LIN28B: variants seen among roughly 807,000 people sequenced by gnomAD.
LIN28B encodes the protein lin-28 RNA binding posttranscriptional regulator B.
Under a neutral mutation model 21.9 loss-of-function variants are expected in LIN28B, and 5 were observed. The observed-to-expected ratio is 0.23, with a 90% CI of 0.12 to 0.48. The LOEUF (loss-of-function observed/expected upper bound fraction) is 0.48. Ranked by LOEUF, LIN28B falls within the 20% of genes least tolerant of loss-of-function variation. LIN28B has a pLI of 0.98. For missense variants in LIN28B, 245 were observed against 310.5 expected, an observed-to-expected ratio of 0.79 and a Z score of 1.58; for synonymous variants, 109 against 111.3, an observed-to-expected ratio of 0.98 and a Z score of 0.13.
chr6:104,969,167 A>C (rs1769923806), intron 2 of LIN28B, among the ~76,000 whole-genome samples: 1 of 152,184 alleles, frequency 6.6e-6, no homozygotes, highest in Middle Eastern at 3.2e-3. Flanking sequence ...TGCGTTAGAA[A>C]TTTAGTCACA....
At chr6:105,023,298 TTTATATATAA>T (rs1436763731) in intron 2 of LIN28B, among the ~76,000 whole-genome samples, 2 of 13,030 alleles carry the variant, frequency 1.5e-4, no homozygotes, top group Non-Finnish European at 2.8e-4. Flanking sequence ...AATATATATA[TTTATATATAA>T]TTATATTATA....
At chr6:105,004,685 T>G (rs1770781570) in intron 2 of LIN28B, among the ~76,000 whole-genome samples, 1 of 152,232 alleles carries the variant, frequency 6.6e-6, no homozygotes, top group African/African-American at 2.4e-5. Flanking sequence ...AAACAACTTT[T>G]AGGGTTATAA....
At position 105,078,672 on chromosome 6, in the gene LIN28B, C is replaced by T. The variant is rs1772481276; in HGVS notation, c.642C>T (p.Ile214=). Residue 214 remains isoleucine, a synonymous_variant, in exon 4 of 4, where the codon ATC becomes ATT. Transcript: ENST00000345080. ...TTCCTCAGGAGGCTAGGGCAGAGAT[C>T]TCAGAACGGTCAGGCAGGTCACCTC... ...PPFPQEARAE[I]SERSGRSPQE... 1.2e-6 allele frequency: 2 copies of T among 1,614,146 alleles called. No individual in the cohort carries two copies. Among genetic ancestry groups the T allele is most frequent in the Non-Finnish European group, 1.7e-6 (2 of 1,180,036 alleles).
chr6:105,033,232 T>A (rs1771461139), intron 3 of LIN28B, among the ~76,000 whole-genome samples: 1 of 152,164 alleles, frequency 6.6e-6, no homozygotes, highest in South Asian at 2.1e-4. Flanking sequence ...GAAAGTTTAG[T>A]TTCTGTCATT....
At position 105,036,179 on chromosome 6, in the gene LIN28B, G is replaced by A. The variant is rs552534480; in HGVS notation, c.383+9697G>A. On this transcript the variant is annotated intron_variant, in intron 3 of 3. Transcript: ENST00000345080. The stretch of plus-strand genomic sequence containing the variant: ...ATCCCTTCTTAGTTTCTATATTTTG[G>A]TCCCTGTAAGAAATTCCCCACAACT... Among the ~76,000 whole-genome samples the A allele has an allele frequency of 1.5e-4, 22 of 151,630 alleles. No homozygotes were observed. The South Asian group carries it at 4.6e-3, about 32-fold the overall frequency.
At chr6:104,938,844 T>C (rs923807675) in intron 2 of LIN28B, among the ~76,000 whole-genome samples, 1 of 152,196 alleles carries the variant, frequency 6.6e-6, no homozygotes, top group Non-Finnish European at 1.5e-5. Flanking sequence ...CATTTTTTAT[T>C]TGTGTCACAG....
At chr6:105,002,176 T>TG (rs1280841958) in intron 2 of LIN28B, among the ~76,000 whole-genome samples, 1 of 151,404 alleles carries the variant, frequency 6.6e-6, no homozygotes. Flanking sequence ...ATTTTTTTTT[T>TG]TTTTTTTTTT....
chr6:105,032,837 T>TG (rs1299009215), intron 3 of LIN28B, among the ~76,000 whole-genome samples: 2 of 152,212 alleles, frequency 1.3e-5, no homozygotes, highest in Non-Finnish European at 2.9e-5. Flanking sequence ...TGTATTTTTG[T>TG]GTCACCCTCA....
chr6:105,031,901 C>T (rs1239325379), intron 3 of LIN28B, among the ~76,000 whole-genome samples: 3 of 152,032 alleles, frequency 2.0e-5, no homozygotes, highest in Non-Finnish European at 2.9e-5. Flanking sequence ...AAGTTTATTA[C>T]CCCCAAAAAT....
intron 2 of LIN28B, among the ~76,000 whole-genome samples, chr6:104,984,665 G>A (rs1372989503): frequency 6.6e-6 from 1 of 151,902 alleles, no homozygotes; most frequent in African/African-American, 2.4e-5. Context: ...TGAACACCTG[G>A]CCTCAAACAG....
chr6:104,952,840 C>T (rs1438004950), upstream of LIN28B, among the ~76,000 whole-genome samples: 1 of 151,994 alleles, frequency 6.6e-6, no homozygotes, highest in East Asian at 1.9e-4. Flanking sequence ...AGATTTTTAC[C>T]TCTGTATAAA....
chr6:104,958,118 TGGA>T lies in LIN28B; in HGVS notation c.32_34del (p.Gly11del), dbSNP rs1463918333. The T allele has an allele frequency of 7.5e-6, 12 of 1,596,654 alleles. No homozygotes were observed. In the Admixed American group the frequency reaches 1.5e-4, roughly 20 times the overall value. On this transcript the variant is annotated inframe_deletion, in exon 2 of 4. Coordinates refer to ENST00000345080, the MANE Select transcript of LIN28B (RefSeq NM_001004317.4). ...TCTCAGGCGGGGCTAGCAAAGGTGGTGGAGAAGAGCCCGGGAAGCTGCCGGAGC... is the reference window on the plus strand; with the variant it reads ...TCTCAGGCGGGGCTAGCAAAGGTGGTGAAGAGCCCGGGAAGCTGCCGGAGC...
intron 2 of LIN28B, among the ~76,000 whole-genome samples, chr6:104,998,913 G>A (rs1448753431): frequency 2.6e-5 from 4 of 152,194 alleles, no homozygotes; most frequent in African/African-American, 7.2e-5. Context: ...ATAGCTTGTA[G>A]AAACTTCTTA....
intron 2 of LIN28B, among the ~76,000 whole-genome samples, chr6:104,988,263 T>G (rs891894540): frequency 1.3e-5 from 2 of 152,156 alleles, no homozygotes; most frequent in Non-Finnish European, 2.9e-5. Context: ...TATGAACAAA[T>G]GTTTTATCAA....
intron 3 of LIN28B, among the ~76,000 whole-genome samples, chr6:105,059,634 G>A (rs920561308): frequency 1.3e-5 from 2 of 152,116 alleles, no homozygotes; most frequent in African/African-American, 4.8e-5. Context: ...CAGTAGTTTT[G>A]CCCAAAAGAT....
At chr6:104,956,149 G>A (rs370139026), upstream of LIN28B, among the ~76,000 whole-genome samples, 77 of 150,250 alleles carry the variant, frequency 5.1e-4, no homozygotes, top group African/African-American at 1.9e-3. Flanking sequence ...CCCTGCCCGC[G>A]CCGGCTTTTT....
At chr6:104,978,711 A>G (rs1770158657) in intron 2 of LIN28B, among the ~76,000 whole-genome samples, 2 of 152,202 alleles carry the variant, frequency 1.3e-5, no homozygotes, top group African/African-American at 4.8e-5. Flanking sequence ...TTAATGGAAT[A>G]AAAGACAGAA....
chr6:104,962,016 A>G (rs1300590532), intron 2 of LIN28B, among the ~76,000 whole-genome samples: 4 of 152,074 alleles, frequency 2.6e-5, no homozygotes, highest in Non-Finnish European at 2.9e-5. Flanking sequence ...ATAGATTTTG[A>G]TATTTATTTC....
At chr6:105,075,689 G>A (rs1351458461) in intron 3 of LIN28B, among the ~76,000 whole-genome samples, 1 of 152,172 alleles carries the variant, frequency 6.6e-6, no homozygotes, top group Non-Finnish European at 1.5e-5. Context: ...AATGGTAAAT[G>A]CACAGATAGA....
Sources: allele counts gnomAD v4.1 joint callset (sites outside exome capture counted in the v4.1 genomes callset), GRCh38; gene constraint gnomAD v4.1.1; transcripts MANE v1.5; gene names NCBI Gene and HGNC (gene_info 2026-07-23, HGNC 2026-07-21).